Variants in LINGO2 observed in about 807,000 individuals in gnomAD.
LINGO2 encodes leucine-rich repeat and immunoglobulin-like domain-containing nogo receptor-interacting protein 2.
Under a neutral mutation model 30.6 loss-of-function variants are expected in LINGO2, and 14 were observed. The ratio of observed to expected loss-of-function variants is 0.46; its 90% CI spans 0.30 to 0.72. The LOEUF (loss-of-function observed/expected upper bound fraction) is 0.72, where lower values mean the gene tolerates loss of function less well. Among genes scored for constraint, LINGO2 ranks in the 30% least tolerant of loss-of-function variants. The pLI is 0.07. For synonymous variants in LINGO2, 317 were observed against 288.5 expected, an observed-to-expected ratio of 1.10 and a Z score of -1.00; for missense variants, 729 against 751.7, an observed-to-expected ratio of 0.97 and a Z score of 0.35.
At chr9:29,063,745 T>A in the LINGO2 span, among the ~76,000 whole-genome samples, 4 of 152,116 alleles carry the variant, frequency 2.6e-5, no homozygotes, top group African/African-American at 7.2e-5. Flanking sequence ...TGGTCATCTT[T>A]CTCCGTTACA....
intron 3 of LINGO2, among the ~76,000 whole-genome samples, chr9:28,340,795 C>T (rs1825741895): frequency 6.6e-6 from 1 of 151,994 alleles, no homozygotes; most frequent in Admixed American, 6.6e-5. Flanking sequence ...ATACGTAAAA[C>T]TGTGAACATT....
chr9:28,126,363 T>A (rs189417804), intron 4 of LINGO2, among the ~76,000 whole-genome samples: 1 of 152,012 alleles, frequency 6.6e-6, no homozygotes, highest in East Asian at 1.9e-4. Context: ...TGGCTTTAAG[T>A]GGAAGGGGAA....
At chr9:29,080,434 C>T in the LINGO2 span, among the ~76,000 whole-genome samples, 1 of 151,770 alleles carries the variant, frequency 6.6e-6, no homozygotes, top group Non-Finnish European at 1.5e-5. Flanking sequence ...TTTTTTGTGT[C>T]TCTATCTCCT....
At chr9:29,039,747 G>A in the LINGO2 span, among the ~76,000 whole-genome samples, 3 of 152,108 alleles carry the variant, frequency 2.0e-5, no homozygotes, top group Non-Finnish European at 4.4e-5. Flanking sequence ...AGCATGCCTG[G>A]CCAGCTATGG....
chr9:28,496,647 A>T (rs1819641111), intron 1 of LINGO2, among the ~76,000 whole-genome samples: 8 of 152,130 alleles, frequency 5.3e-5, no homozygotes, highest in Admixed American at 5.2e-4. Context: ...TAGAGCATTT[A>T]GTCCATTTAC....
intron 2 of LINGO2, among the ~76,000 whole-genome samples, chr9:28,425,219 A>G (rs543073036): frequency 4.5e-4 from 67 of 148,576 alleles, no homozygotes; most frequent in African/African-American, 1.6e-3. Context: ...TGAAAGAAAT[A>G]ATTGCACATA....
intron 5 of LINGO2, among the ~76,000 whole-genome samples, chr9:27,987,980 C>G (rs922951152): frequency 5.9e-5 from 9 of 151,986 alleles, no homozygotes; most frequent in African/African-American, 1.9e-4. Flanking sequence ...TTAGGTGTAT[C>G]TCCTAATGCT....
At chr9:28,642,225 GA>G (rs920636784) in intron 1 of LINGO2, among the ~76,000 whole-genome samples, 146 of 149,610 alleles carry the variant, frequency 9.8e-4, no homozygotes, top group African/African-American at 3.2e-3. Context: ...TTGAAAAAGT[GA>G]AAAAAAAAGT....
chr9:28,084,844 G>C (rs1825866043), intron 4 of LINGO2, among the ~76,000 whole-genome samples: 1 of 152,254 alleles, frequency 6.6e-6, no homozygotes, highest in African/African-American at 2.4e-5. Flanking sequence ...ATTTTCCTGG[G>C]AAAGGAGAAA....
chr9:28,943,387 C>G, the LINGO2 span, among the ~76,000 whole-genome samples: 11 of 151,604 alleles, frequency 7.3e-5, no homozygotes, highest in East Asian at 3.9e-4. Context: ...AAAAATGTGT[C>G]CTGCAAGCAA....
chr9:28,879,756 G>C, the LINGO2 span, among the ~76,000 whole-genome samples: 1 of 152,142 alleles, frequency 6.6e-6, no homozygotes, highest in Non-Finnish European at 1.5e-5. Context: ...ACTGTGAGTA[G>C]ATCTGGGTAA....
intron 4 of LINGO2, among the ~76,000 whole-genome samples, chr9:28,069,734 C>T (rs1215742433): frequency 1.3e-5 from 2 of 152,118 alleles, no homozygotes; most frequent in East Asian, 3.9e-4. Flanking sequence ...GCCCAGCGAG[C>T]CTGATGTTGA....
chr9:28,874,899 C>T, the LINGO2 span, among the ~76,000 whole-genome samples: 58,674 of 151,838 alleles, frequency 0.39, 12,689 homozygotes, highest in African/African-American at 0.6. Context: ...GTGTGCCCCA[C>T]TACAGGTCCT....
intron 1 of LINGO2, among the ~76,000 whole-genome samples, chr9:28,637,241 G>C (rs1376714580): frequency 2.0e-5 from 3 of 152,134 alleles, no homozygotes; most frequent in Admixed American, 2.0e-4. Flanking sequence ...AGTATAGTTT[G>C]AAATCAGGTA....
At chr9:29,178,859 G>A in the LINGO2 span, among the ~76,000 whole-genome samples, 33 of 152,102 alleles carry the variant, frequency 2.2e-4, no homozygotes, top group African/African-American at 6.7e-4. Flanking sequence ...TCAGTAATGA[G>A]TGCCTATAAT....
intron 5 of LINGO2, among the ~76,000 whole-genome samples, chr9:28,008,050 C>T (rs1277771308): frequency 2.6e-5 from 4 of 152,068 alleles, no homozygotes; most frequent in Non-Finnish European, 5.9e-5. Context: ...AAATCAGGGG[C>T]TTTTGTTATA....
At chr9:28,740,885 T>C in the LINGO2 span, among the ~76,000 whole-genome samples, 2,511 of 152,112 alleles carry the variant, frequency 0.017, 83 homozygotes, top group African/African-American at 0.058. Flanking sequence ...TTTGACCTTA[T>C]TCCTCATATC....
intron 4 of LINGO2, among the ~76,000 whole-genome samples, chr9:28,224,354 G>A (rs139201095): frequency 0.029 from 4,412 of 152,234 alleles, 219 homozygotes; most frequent in African/African-American, 0.1. Context: ...GTGAGCCACC[G>A]CACCTGGCCC....
rs201800947 is a variant in LINGO2, at chr9:28,148,484, G to A, written c.-86-136079C>T. ...AGCAACGGAGGTGACAGACCAGGTA[G>A]AGACCCAGGGGCAGGAGGACAATAA... On this transcript the variant is annotated intron_variant, in intron 4 of 5. Transcript: ENST00000379992. The surrounding 1 kb of genome is among the most constrained non-coding windows in gnomAD (Gnocchi z 5.1). The A allele has an allele frequency of 1.6e-3, 2,256 of 1,437,336 alleles. 41 individuals are homozygous for A. The South Asian group carries it at 0.026, about 17-fold the overall frequency. The allele number at this position is 1,437,336 out of a possible 1,614,324, so 89.0% of individuals were successfully genotyped here. A position where few individuals can be genotyped will look rare whatever the true frequency, so the allele number is the denominator to read the frequency against.
Sources: allele counts gnomAD v4.1 joint callset (sites outside exome capture counted in the v4.1 genomes callset), GRCh38; gene constraint gnomAD v4.1.1; non-coding constraint Gnocchi (gnomAD v3.1); transcripts MANE v1.5; gene names NCBI Gene and HGNC (gene_info 2026-07-23, HGNC 2026-07-21).